The following TMEM114 variants were observed in gnomAD, a reference collection of about 807,000 sequenced individuals.
TMEM114 encodes the protein transmembrane protein 114.
In TMEM114, 6 loss-of-function variants were observed where a neutral mutation model predicts 6.2. The observed-to-expected ratio is 0.97, with a 90% CI of 0.53 to 1.91. The LOEUF is 1.91. Ranked by LOEUF, TMEM114 falls within the 40% of genes most tolerant of loss-of-function variation. TMEM114 has a pLI of 0.01. For missense variants in TMEM114, 218 were observed against 158.3 expected (o/e 1.38, Z -2.02); for synonymous variants, 104 against 73.0 (o/e 1.42, Z -2.16).
intron 2 of TMEM114, among the ~76,000 whole-genome samples, chr16:8,545,365 G>A (rs1326970194): frequency 6.6e-6 from 1 of 152,180 alleles, no homozygotes; most frequent in Non-Finnish European, 1.5e-5. Context: ...GAGCCCAGGA[G>A]GTTGAGGTTG....
intron 2 of TMEM114, among the ~76,000 whole-genome samples, chr16:8,578,583 C>A (rs2141693279): frequency 6.6e-6 from 1 of 152,286 alleles, no homozygotes; most frequent in East Asian, 1.9e-4. Context: ...ATGAGCATAT[C>A]TTTTTAGGAG....
At chr16:8,577,747 C>A (rs933422298) in intron 2 of TMEM114, among the ~76,000 whole-genome samples, 2 of 149,552 alleles carry the variant, frequency 1.3e-5, no homozygotes, top group African/African-American at 5.1e-5. Flanking sequence ...TCCCTCCTGG[C>A]GAATTTTTGT....
chr16:8,535,654 C>G (rs113856774), downstream of TMEM114, among the ~76,000 whole-genome samples: 1 of 152,146 alleles, frequency 6.6e-6, no homozygotes, highest in South Asian at 2.1e-4. Context: ...CTTATGAGTT[C>G]TGTGATGAAT....
intron 2 of TMEM114, among the ~76,000 whole-genome samples, chr16:8,579,399 G>T (rs1174946818): frequency 1.3e-5 from 2 of 152,176 alleles, no homozygotes; most frequent in Admixed American, 1.3e-4. Context: ...ACTTCTGGAA[G>T]AGCTCAGAGC....
the TMEM114 span, among the ~76,000 whole-genome samples, chr16:8,530,308 C>T: frequency 3.9e-5 from 6 of 152,110 alleles, no homozygotes; most frequent in Non-Finnish European, 8.8e-5. Flanking sequence ...ATTGCGGAGA[C>T]CTGGCTCCAC....
intron 2 of TMEM114, among the ~76,000 whole-genome samples, chr16:8,563,719 G>T (rs1403940848): frequency 6.6e-6 from 1 of 151,078 alleles, no homozygotes; most frequent in African/African-American, 2.5e-5. Flanking sequence ...GTGAGTGAGT[G>T]AATGAGTCAG....
the TMEM114 span, among the ~76,000 whole-genome samples, chr16:8,528,807 AGCAC>A: frequency 6.6e-6 from 1 of 152,228 alleles, no homozygotes; most frequent in African/African-American, 2.4e-5. Context: ...TCACTCACTG[AGCAC>A]GCGCTCTGTG....
chr16:8,552,226 A>T (rs1048247032), intron 2 of TMEM114, among the ~76,000 whole-genome samples: 19 of 150,840 alleles, frequency 1.3e-4, no homozygotes, highest in East Asian at 9.8e-4. Context: ...AAAAAAAAAA[A>T]TTTTAATATT....
At chr16:8,526,997 C>G in the TMEM114 span, among the ~76,000 whole-genome samples, 3 of 152,290 alleles carry the variant, frequency 2.0e-5, no homozygotes, top group Admixed American at 6.5e-5. Context: ...CACCTGAGGT[C>G]AGGAGCTCAA....
chr16:8,572,594 C>T (rs1156694945), intron 2 of TMEM114, among the ~76,000 whole-genome samples: 2 of 152,134 alleles, frequency 1.3e-5, no homozygotes, highest in African/African-American at 4.8e-5. Flanking sequence ...CACAACCACA[C>T]CCAGCTAATT....
At chr16:8,578,143 G>A (rs532465270) in intron 2 of TMEM114, among the ~76,000 whole-genome samples, 10 of 152,278 alleles carry the variant, frequency 6.6e-5, no homozygotes, top group African/African-American at 2.2e-4. Context: ...GTGGCGGTGG[G>A]GGGGCCTTGT....
chr16:8,530,371 C>G, the TMEM114 span, among the ~76,000 whole-genome samples: 62 of 152,278 alleles, frequency 4.1e-4, no homozygotes, highest in African/African-American at 1.5e-3. Context: ...CTCTGGGTCT[C>G]AGAGTTCCCA....
chr16:8,582,817 T>C (rs939015243), intron 2 of TMEM114, among the ~76,000 whole-genome samples: 2 of 152,082 alleles, frequency 1.3e-5, no homozygotes, highest in African/African-American at 4.8e-5. Context: ...GAGAATTGCT[T>C]GAACCCAGGA....
chr16:8,579,547 G>A (rs954301141), intron 2 of TMEM114, among the ~76,000 whole-genome samples: 39 of 152,136 alleles, frequency 2.6e-4, no homozygotes, highest in African/African-American at 8.7e-4. Context: ...GATATGGAAA[G>A]AGCAGGAGTC....
At chr16:8,530,322 G>GCT in the TMEM114 span, among the ~76,000 whole-genome samples, 1 of 152,174 alleles carries the variant, frequency 6.6e-6, no homozygotes, top group Non-Finnish European at 1.5e-5. Context: ...GCTCCACATG[G>GCT]CTCTATCCCT....
intron 2 of TMEM114, among the ~76,000 whole-genome samples, chr16:8,559,387 T>C (rs1037679834): frequency 1.3e-5 from 2 of 149,438 alleles, no homozygotes; most frequent in Middle Eastern, 3.2e-3. Context: ...ATCGCACAGA[T>C]CAGGACCAAC....
At chr16:8,537,306 G>C (rs1900389386), downstream of TMEM114, among the ~76,000 whole-genome samples, 1 of 152,086 alleles carries the variant, frequency 6.6e-6, no homozygotes, top group Admixed American at 6.6e-5. Context: ...GTCAAGACCA[G>C]CCTGGCCAAC....
chr16:8,574,582 C>CTTTCTTTCT (rs1901853664), intron 2 of TMEM114, among the ~76,000 whole-genome samples: 2 of 142,462 alleles, frequency 1.4e-5, no homozygotes, highest in Non-Finnish European at 1.5e-5. Context: ...TCCTTCCTTC[C>CTTTCTTTCT]TTCTTTCTTT....
chr16:8,538,023 G>A (rs1424167154), intron 2 of TMEM114, among the ~76,000 whole-genome samples: 1 of 150,578 alleles, frequency 6.6e-6, no homozygotes, highest in African/African-American at 2.4e-5. Context: ...CTGAGACTGG[G>A]CGCCGTGACT....
Sources: gnomAD v4.1 joint callset for allele counts (sites outside exome capture counted in the v4.1 genomes callset) on GRCh38, gnomAD v4.1.1 for gene constraint, MANE v1.5 for transcripts, NCBI Gene and HGNC (gene_info 2026-07-23, HGNC 2026-07-21) for gene names.